The following FAM135B variants were observed in gnomAD, a reference collection of about 807,000 sequenced individuals.
The protein encoded by FAM135B is family with sequence similarity 135 member B.
Under a neutral mutation model 127.7 loss-of-function variants are expected in FAM135B, and 43 were observed. The ratio of observed to expected loss-of-function variants is 0.34; its 90% CI spans 0.26 to 0.43. FAM135B has a LOEUF of 0.43. FAM135B is among the 20% of genes least tolerant of loss of function. The probability of loss-of-function intolerance (pLI) is 1.00; values close to 1 mark genes in which losing one functional copy is unlikely to be tolerated. For synonymous variants in FAM135B, 670 were observed against 665.1 expected (o/e 1.01, Z -0.11); for missense variants, 1,558 against 1,725.6 (o/e 0.90, Z 1.72).
Position 138,218,787 on chromosome 8 carries a change from AGAGAGAGAGAGAGAGAGG to A in FAM135B, c.670-21136_670-21119del, listed in dbSNP as rs1231749381. 7.3e-3 allele frequency among the ~76,000 whole-genome samples: 941 copies of A among 129,640 alleles called. 11 individuals carry two copies. The highest frequency in any genetic ancestry group is 0.024 in the African/African-American group (870 of 36,278). The allele number at this position is 129,640 out of a possible 152,430, so 85.0% of individuals were successfully genotyped here. A position where few individuals can be genotyped will look rare whatever the true frequency, so the allele number is the denominator to read the frequency against. The stretch of plus-strand genomic sequence containing the variant: ...CACACAGAGAGAGAGAGAGAGAGAG[AGAGAGAGAGAGAGAGAGG>A]GAGAGAAAGAGAGAGAGAGAGATTT... On this transcript the variant is annotated intron_variant, in intron 7 of 19. Coordinates refer to ENST00000395297, the MANE Select transcript of FAM135B (RefSeq NM_015912.4).
chr8:138,475,502 T>G (rs1814371151), intron 1 of FAM135B, among the ~76,000 whole-genome samples: 1 of 152,134 alleles, frequency 6.6e-6, no homozygotes, highest in Non-Finnish European at 1.5e-5. Flanking sequence ...GCAAGTAGCA[T>G]CACTACCATC....
At chr8:138,317,020 C>T (rs949869036) in intron 2 of FAM135B, among the ~76,000 whole-genome samples, 1 of 151,968 alleles carries the variant, frequency 6.6e-6, no homozygotes, top group African/African-American at 2.4e-5. Flanking sequence ...TCAAACAACC[C>T]AACAATTGCC....
intron 1 of FAM135B, among the ~76,000 whole-genome samples, chr8:138,444,708 T>C (rs923543841): frequency 1.4e-4 from 22 of 151,992 alleles, no homozygotes; most frequent in Middle Eastern, 3.4e-3. Flanking sequence ...AGGAAAGATC[T>C]AAAATTGACA....
intron 1 of FAM135B, among the ~76,000 whole-genome samples, chr8:138,480,879 A>C (rs1440155223): frequency 6.6e-6 from 1 of 152,290 alleles, no homozygotes; most frequent in Non-Finnish European, 1.5e-5. Flanking sequence ...AGGGCACTCA[A>C]CTCTCTGAGC....
intron 1 of FAM135B, among the ~76,000 whole-genome samples, chr8:138,368,420 C>T (rs150959758): frequency 5.9e-5 from 9 of 152,228 alleles, no homozygotes; most frequent in East Asian, 3.9e-4. Context: ...TCATCTGTAA[C>T]GTGAGGACTG....
At chr8:138,483,903 A>G (rs1814885183) in intron 1 of FAM135B, among the ~76,000 whole-genome samples, 1 of 152,316 alleles carries the variant, frequency 6.6e-6, no homozygotes, top group East Asian at 1.9e-4. Flanking sequence ...TGACACATAC[A>G]TTAATCACTG....
chr8:138,273,237 A>T (rs4909769), intron 3 of FAM135B, among the ~76,000 whole-genome samples: 1 of 152,112 alleles, frequency 6.6e-6, no homozygotes, highest in African/African-American at 2.4e-5. Context: ...ATGGAGTCTC[A>T]CTCTGTAGCC....
At chr8:138,334,300 A>G (rs1351245026) in intron 2 of FAM135B, among the ~76,000 whole-genome samples, 1 of 152,212 alleles carries the variant, frequency 6.6e-6, no homozygotes, top group African/African-American at 2.4e-5. Context: ...ACATACCCAC[A>G]TCGCTCAGAC....
intron 1 of FAM135B, among the ~76,000 whole-genome samples, chr8:138,423,559 G>T (rs1025767691): frequency 2.6e-5 from 4 of 152,068 alleles, no homozygotes; most frequent in African/African-American, 9.7e-5. Context: ...GTATGAATAG[G>T]GTGTGGGTCA....
At chr8:138,434,612 C>A (rs1278571000) in intron 1 of FAM135B, among the ~76,000 whole-genome samples, 2 of 152,160 alleles carry the variant, frequency 1.3e-5, no homozygotes. Context: ...GGTATTAGGC[C>A]AACTGACTGC....
intron 5 of FAM135B, among the ~76,000 whole-genome samples, chr8:138,252,709 TA>T (rs777966768): frequency 8.6e-5 from 13 of 152,006 alleles, no homozygotes; most frequent in Non-Finnish European, 1.6e-4. Context: ...ATAAGGGAAA[TA>T]AAGCAAACAA....
intron 2 of FAM135B, 21 bp downstream of exon 2, chr8:138,367,886 C>A (rs1251850988): frequency 1.3e-6 from 2 of 1,549,686 alleles, no homozygotes; most frequent in Admixed American, 1.7e-5. Context: ...CACACACACA[C>A]AAATTGTAAA....
intron 2 of FAM135B, 116 bp from the exon 3 acceptor site, chr8:138,311,036 A>G: frequency 1.4e-6 from 1 of 718,832 alleles, no homozygotes; most frequent in South Asian, 1.9e-5. Context: ...TCTTGGCAGC[A>G]TGCACAATCA....
chr8:138,404,181 CTA>C (rs1279276803), intron 1 of FAM135B, among the ~76,000 whole-genome samples: 4 of 151,920 alleles, frequency 2.6e-5, no homozygotes, highest in African/African-American at 9.7e-5. Context: ...ATAAAAATAA[CTA>C]TTCATGGATT....
chr8:138,461,128 C>T (rs1490207847), intron 1 of FAM135B, among the ~76,000 whole-genome samples: 1 of 152,118 alleles, frequency 6.6e-6, no homozygotes, highest in Non-Finnish European at 1.5e-5. Flanking sequence ...CACTTCCAGG[C>T]TAGTTAAATA....
chr8:138,268,307 C>A (rs1413340039), intron 3 of FAM135B, among the ~76,000 whole-genome samples: 2 of 152,102 alleles, frequency 1.3e-5, no homozygotes, highest in Admixed American at 6.6e-5. Context: ...AATATATTAT[C>A]ATTGGCCACA....
chr8:138,147,457 G>T (rs549724211), intron 14 of FAM135B, among the ~76,000 whole-genome samples: 2 of 152,176 alleles, frequency 1.3e-5, no homozygotes, highest in African/African-American at 2.4e-5. Flanking sequence ...ATAAGAATAC[G>T]AATCTTGAGG....
At chr8:138,215,008 C>T (rs16908583) in intron 7 of FAM135B, among the ~76,000 whole-genome samples, 4,250 of 152,154 alleles carry the variant, frequency 0.028, 123 homozygotes, top group East Asian at 0.14. Flanking sequence ...CAGTCACTAA[C>T]GTAGACATAA....
At chr8:138,481,589 G>A (rs191019645) in intron 1 of FAM135B, among the ~76,000 whole-genome samples, 67 of 152,338 alleles carry the variant, frequency 4.4e-4, no homozygotes, top group African/African-American at 1.5e-3. Context: ...GCATAGTCCT[G>A]GGAGTCTAGC....
Sources: gnomAD v4.1 joint callset for allele counts (sites outside exome capture counted in the v4.1 genomes callset) on GRCh38, gnomAD v4.1.1 for gene constraint, MANE v1.5 for transcripts, NCBI Gene and HGNC (gene_info 2026-07-23, HGNC 2026-07-21) for gene names.